Variants in SGK1 observed in about 807,000 individuals in gnomAD.
SGK1 encodes the protein serine/threonine-protein kinase Sgk1.
SGK1 carries 26 observed loss-of-function variants against 64.2 expected under a neutral mutation model. The observed-to-expected ratio is 0.40, with a 90% confidence interval of 0.30 to 0.56. The LOEUF (loss-of-function observed/expected upper bound fraction) is 0.56, where lower values mean the gene tolerates loss of function less well. Ranked by LOEUF, SGK1 falls within the 20% of genes least tolerant of loss-of-function variation. The probability of loss-of-function intolerance (pLI) is 0.38; values close to 1 mark genes in which losing one functional copy is unlikely to be tolerated. For synonymous variants in SGK1, 265 were observed against 239.7 expected (o/e 1.11, Z -0.98); for missense variants, 519 against 645.6 (o/e 0.80, Z 2.12).
chr6:134,300,965 A>T (rs1777445303), intron 1 of SGK1, among the ~76,000 whole-genome samples: 1 of 152,130 alleles, frequency 6.6e-6, no homozygotes, highest in Admixed American at 6.6e-5. Flanking sequence ...AACACAGTAG[A>T]ATATGCTGAT....
intron 2 of SGK1, among the ~76,000 whole-genome samples, chr6:134,253,502 A>T (rs1776636407): frequency 1.3e-5 from 2 of 152,030 alleles, no homozygotes; most frequent in Non-Finnish European, 2.9e-5. Flanking sequence ...TAAAAAAGAA[A>T]AAAAACAATT....
chr6:134,204,807 G>C (rs371545308), intron 3 of SGK1, among the ~76,000 whole-genome samples: 36 of 152,116 alleles, frequency 2.4e-4, no homozygotes, highest in African/African-American at 8.4e-4. Context: ...ACCCACCTTG[G>C]CCCCCCAAAG....
At chr6:134,178,079 A>T (rs1201028979) in intron 3 of SGK1, among the ~76,000 whole-genome samples, 1 of 152,102 alleles carries the variant, frequency 6.6e-6, no homozygotes, top group African/African-American at 2.4e-5. Flanking sequence ...CATGCACAGG[A>T]TTTATTTTCT....
chr6:134,263,794 C>T (rs555618671), intron 1 of SGK1, among the ~76,000 whole-genome samples: 7 of 152,216 alleles, frequency 4.6e-5, no homozygotes, highest in African/African-American at 1.7e-4. Context: ...GTGGCTCACA[C>T]CTGTAATCCC....
intron 3 of SGK1, among the ~76,000 whole-genome samples, chr6:134,182,294 T>C (rs1775343475): frequency 6.6e-6 from 1 of 152,000 alleles, no homozygotes. Flanking sequence ...ATGCCTGTAA[T>C]CCTAGCACTT....
chr6:134,309,166 C>T (rs1231248639), intron 1 of SGK1, among the ~76,000 whole-genome samples: 1 of 152,210 alleles, frequency 6.6e-6, no homozygotes, highest in Non-Finnish European at 1.5e-5. Context: ...GAAGATTCCT[C>T]TACTGCTCTA....
chr6:134,210,838 T>C (rs1582713562), intron 2 of SGK1, among the ~76,000 whole-genome samples: 1 of 137,996 alleles, frequency 7.2e-6, no homozygotes, highest in South Asian at 2.3e-4. Flanking sequence ...AAAAAAATTT[T>C]AAAAGGGCCA....
intron 2 of SGK1, 26 bp downstream of exon 2, chr6:134,261,907 T>C (rs1327958595): frequency 6.5e-7 from 1 of 1,543,466 alleles, no homozygotes; most frequent in South Asian, 1.1e-5. Context: ...TCCAGGAGAA[T>C]AGATCCAGAG....
intron 3 of SGK1, among the ~76,000 whole-genome samples, chr6:134,206,379 ATATATTTTTTTT>A (rs1425762794): frequency 4.4e-4 from 2 of 4,582 alleles, no homozygotes; most frequent in African/African-American, 1.3e-3. Context: ...ATATATATAT[ATATATTTTTTTT>A]TTTTTTTTTT....
intron 3 of SGK1, chr6:134,174,891 A>G (rs1255738919): frequency 6.3e-7 from 1 of 1,589,912 alleles, no homozygotes; most frequent in Non-Finnish European, 8.5e-7. Flanking sequence ...TCGGCCTTAT[A>G]AAAAAGGCAC....
intron 3 of SGK1, among the ~76,000 whole-genome samples, chr6:134,196,949 A>G (rs1231417229): frequency 6.6e-6 from 1 of 152,150 alleles, no homozygotes; most frequent in East Asian, 1.9e-4. Flanking sequence ...CTGAATGTAT[A>G]AGGCTGGGTG....
At chr6:134,234,819 T>C (rs762395654) in intron 2 of SGK1, among the ~76,000 whole-genome samples, 1 of 152,110 alleles carries the variant, frequency 6.6e-6, no homozygotes. Context: ...GAGGTTGCAG[T>C]GAGTTGAGAT....
chr6:134,245,241 GTTTA>G (rs768525564), intron 2 of SGK1, among the ~76,000 whole-genome samples: 7 of 152,320 alleles, frequency 4.6e-5, no homozygotes, highest in Admixed American at 2.0e-4. Flanking sequence ...AAGCCCTGTG[GTTTA>G]TTTACACTGT....
intron 1 of SGK1, among the ~76,000 whole-genome samples, chr6:134,308,921 C>A (rs1367382838): frequency 6.6e-6 from 1 of 151,980 alleles, no homozygotes; most frequent in Non-Finnish European, 1.5e-5. Context: ...CCTCCAGAGA[C>A]AACAGAGAGA....
intron 3 of SGK1, among the ~76,000 whole-genome samples, chr6:134,199,637 T>G (rs1428762324): frequency 6.8e-6 from 1 of 146,300 alleles, no homozygotes; most frequent in African/African-American, 2.5e-5. Context: ...AAACAAAAGT[T>G]AAAAAAAGAA....
intron 2 of SGK1, among the ~76,000 whole-genome samples, chr6:134,222,660 C>T (rs1776108644): frequency 6.6e-6 from 1 of 152,086 alleles, no homozygotes; most frequent in African/African-American, 2.4e-5. Flanking sequence ...TAATGACTGG[C>T]TGTTTTCATC....
chr6:134,248,327 A>AGCAAAAT (rs1422974889), intron 2 of SGK1, among the ~76,000 whole-genome samples: 10 of 152,206 alleles, frequency 6.6e-5, no homozygotes, highest in African/African-American at 2.4e-4. Context: ...CTTTAATGCT[A>AGCAAAAT]GCAAAATGTA....
At chr6:134,302,904 G>C (rs555819882) in intron 1 of SGK1, among the ~76,000 whole-genome samples, 1 of 151,876 alleles carries the variant, frequency 6.6e-6, no homozygotes, top group Non-Finnish European at 1.5e-5. Flanking sequence ...ACAGGTGTGC[G>C]CTATCATGCC....
intron 2 of SGK1, among the ~76,000 whole-genome samples, chr6:134,218,994 T>G (rs1260953703): frequency 6.6e-6 from 1 of 151,952 alleles, no homozygotes; most frequent in African/African-American, 2.4e-5. Flanking sequence ...TTTTTGTTTT[T>G]GTTTTTGTGA....
Sources: allele counts gnomAD v4.1 joint callset (sites outside exome capture counted in the v4.1 genomes callset), GRCh38; gene constraint gnomAD v4.1.1; transcripts MANE v1.5; gene names NCBI Gene and HGNC (gene_info 2026-07-23, HGNC 2026-07-21).